Variants in SV2C observed in about 807,000 individuals in gnomAD.
The protein encoded by SV2C is synaptic vesicle glycoprotein 2C, also known as solute carrier family 22 member B3.
Under a neutral mutation model 79.7 loss-of-function variants are expected in SV2C, and 49 were observed. The ratio of observed to expected loss-of-function variants is 0.61; its 90% confidence interval spans 0.49 to 0.78. SV2C has a LOEUF of 0.78. Among genes scored for constraint, SV2C ranks in the 30% least tolerant of loss-of-function variants. The probability of loss-of-function intolerance (pLI) is 0.00; values close to 1 mark genes in which losing one functional copy is unlikely to be tolerated. For missense variants in SV2C, 833 were observed against 912.9 expected (o/e 0.91, Z 1.13); for synonymous variants, 334 against 333.2 (o/e 1.00, Z -0.03).
At chr5:76,001,389 A>G in the SV2C span, among the ~76,000 whole-genome samples, 5 of 152,174 alleles carry the variant, frequency 3.3e-5, no homozygotes, top group Non-Finnish European at 7.4e-5. Context: ...TCATGAGGTC[A>G]GGAGATTGAG....
chr5:76,107,063 G>T (rs566250391), intron 1 of SV2C, among the ~76,000 whole-genome samples: 1 of 152,236 alleles, frequency 6.6e-6, no homozygotes, highest in Non-Finnish European at 1.5e-5. Flanking sequence ...TTGAGGTAAA[G>T]TAGACCACAA....
At chr5:76,012,842 C>T in the SV2C span, among the ~76,000 whole-genome samples, 1 of 152,130 alleles carries the variant, frequency 6.6e-6, no homozygotes, top group Non-Finnish European at 1.5e-5. Context: ...GTTTTCCCAA[C>T]ACCATTTATT....
chr5:76,352,640 C>A (rs1749663159), intron 12 of SV2C, among the ~76,000 whole-genome samples: 2 of 152,166 alleles, frequency 1.3e-5, no homozygotes, highest in South Asian at 2.1e-4. Flanking sequence ...GAAATATGTT[C>A]TTTATAAATG....
chr5:76,162,466 C>T (rs957764193), intron 2 of SV2C, among the ~76,000 whole-genome samples: 4 of 152,160 alleles, frequency 2.6e-5, no homozygotes, highest in South Asian at 2.1e-4. Context: ...GGCTGAGAAT[C>T]GGGAGCCCAG....
At chr5:76,203,650 G>A (rs2112344031) in intron 3 of SV2C, among the ~76,000 whole-genome samples, 1 of 152,188 alleles carries the variant, frequency 6.6e-6, no homozygotes, top group East Asian at 1.9e-4. Flanking sequence ...GCAAACCAGG[G>A]CTAAGGGAGT....
chr5:76,195,052 C>A lies in SV2C; in HGVS notation c.714C>A (p.Val238=), dbSNP rs762226050. The A allele has an allele frequency of 2.5e-6, 4 of 1,614,024 alleles. No individual in the cohort carries two copies. Among genetic ancestry groups the A allele is most frequent in the Non-Finnish European group, 3.4e-6 (4 of 1,179,936 alleles). The change falls in exon 3 of 13, where the codon GTC becomes GTA. Residue 238 remains valine (V), a synonymous_variant. Coordinates refer to ENST00000502798, the MANE Select transcript of SV2C (RefSeq NM_014979.4). ...NGFFAFLSSF[V]QGYGFFLFCR... is the part of the protein sequence containing the mutation. Reference sequence around the variant, plus strand: ...TCTTTGCCTTCCTTTCTTCATTTGTCCAAGGTTATGGCTTCTTTCTCTTCT... The same window carrying A: ...TCTTTGCCTTCCTTTCTTCATTTGTACAAGGTTATGGCTTCTTTCTCTTCT...
chr5:76,350,090 A>G (rs1749619118), intron 12 of SV2C, among the ~76,000 whole-genome samples: 1 of 152,128 alleles, frequency 6.6e-6, no homozygotes, highest in South Asian at 2.1e-4. Context: ...ATCTTGAGCT[A>G]TTTTGTGCAC....
the SV2C span, among the ~76,000 whole-genome samples, chr5:75,870,162 A>G: frequency 6.6e-6 from 1 of 152,158 alleles, no homozygotes; most frequent in African/African-American, 2.4e-5. Context: ...TGAACTAAAT[A>G]AGGCACAAGG....
chr5:76,082,094 T>C (rs1747007498), upstream of SV2C: 2 of 152,300 alleles, frequency 1.3e-5, no homozygotes, highest in African/African-American at 4.8e-5. Context: ...CGGCGCTTTG[T>C]CTCGCTTTGG....
intron 12 of SV2C, among the ~76,000 whole-genome samples, chr5:76,350,431 CT>C (rs1749624061): frequency 6.6e-6 from 1 of 152,162 alleles, no homozygotes; most frequent in African/African-American, 2.4e-5. Flanking sequence ...TGTGACATGC[CT>C]GTTGAGACTC....
At chr5:75,885,674 C>T in the SV2C span, among the ~76,000 whole-genome samples, 1 of 152,216 alleles carries the variant, frequency 6.6e-6, no homozygotes, top group South Asian at 2.1e-4. Context: ...CTCATACTCC[C>T]AAGTAGCTGG....
the SV2C span, among the ~76,000 whole-genome samples, chr5:75,903,724 C>A: frequency 1.4e-4 from 21 of 152,298 alleles, no homozygotes; most frequent in African/African-American, 5.1e-4. Context: ...TCTCCATTTA[C>A]TTCAGGGTGT....
the SV2C span, among the ~76,000 whole-genome samples, chr5:76,061,136 A>G: frequency 4.6e-5 from 7 of 152,030 alleles, no homozygotes; most frequent in Non-Finnish European, 7.4e-5. Flanking sequence ...AACAAATGTA[A>G]TAATAATGAA....
chr5:75,851,655 T>C, the SV2C span, among the ~76,000 whole-genome samples: 1 of 152,080 alleles, frequency 6.6e-6, no homozygotes, highest in Non-Finnish European at 1.5e-5. Flanking sequence ...TTTTTTTTTT[T>C]TCTGAGACGG....
At chr5:76,091,552 A>G (rs1747375107) in intron 1 of SV2C, among the ~76,000 whole-genome samples, 2 of 152,190 alleles carry the variant, frequency 1.3e-5, no homozygotes, top group East Asian at 1.9e-4. Context: ...CTGTGAATGT[A>G]TGAGGCCTGG....
chr5:76,201,102 T>C (rs925733670), intron 3 of SV2C, among the ~76,000 whole-genome samples: 1 of 152,212 alleles, frequency 6.6e-6, no homozygotes, highest in Non-Finnish European at 1.5e-5. Context: ...GTTTATTCGG[T>C]ACAATGAATG....
upstream of SV2C, among the ~76,000 whole-genome samples, chr5:76,081,217 A>G (rs1365968044): frequency 6.6e-6 from 1 of 152,250 alleles, no homozygotes; most frequent in Non-Finnish European, 1.5e-5. Flanking sequence ...ACAGCATAGC[A>G]TAAAGAACGT....
intron 12 of SV2C, among the ~76,000 whole-genome samples, chr5:76,343,586 C>CA (rs1749484673): frequency 6.6e-6 from 1 of 152,202 alleles, no homozygotes; most frequent in Admixed American, 6.5e-5. Flanking sequence ...AAGGAGCACT[C>CA]ACCAAGGAAC....
At position 76,339,667 on chromosome 5, in the gene SV2C, T is replaced by C. The variant is rs918225590; in HGVS notation, c.2001-13463T>C. On this transcript the variant is annotated intron_variant, in intron 12 of 12. Transcript: ENST00000322285. ...AGGCGGAGCTTGCAGTGAGCCAAGA[T>C]TGTGCCACTGCACTCCAGCCTGGGC... Among the ~76,000 whole-genome samples the C allele has an allele frequency of 4.7e-5, 7 of 148,030 alleles. 1 individual carries two copies. In the East Asian group the frequency reaches 1.4e-3, roughly 29 times the overall value.
Sources: allele counts gnomAD v4.1 joint callset (sites outside exome capture counted in the v4.1 genomes callset), GRCh38; gene constraint gnomAD v4.1.1; transcripts MANE v1.5; gene names NCBI Gene and HGNC (gene_info 2026-07-23, HGNC 2026-07-21).